Variants in ICAM1 observed in about 807,000 individuals in gnomAD.
ICAM1 encodes the protein ICAM-1.
A neutral mutation model predicts 42.3 loss-of-function variants in ICAM1; 28 were observed. The ratio of observed to expected loss-of-function variants is 0.66; its 90% confidence interval spans 0.49 to 0.91. The LOEUF (loss-of-function observed/expected upper bound fraction) is 0.91, where lower values mean the gene tolerates loss of function less well. Ranked by LOEUF, ICAM1 falls within the 40% of genes least tolerant of loss-of-function variation. ICAM1 has a pLI of 0.00. For synonymous variants in ICAM1, 304 were observed against 305.9 expected, an observed-to-expected ratio of 0.99 and a Z score of 0.07; for missense variants, 637 against 688.6, an observed-to-expected ratio of 0.93 and a Z score of 0.84.
At chr19:10,277,926 C>T (rs1012360283) in intron 2 of ICAM1, among the ~76,000 whole-genome samples, 5 of 152,194 alleles carry the variant, frequency 3.3e-5, no homozygotes, top group African/African-American at 1.2e-4. Flanking sequence ...AGGCTAGGCA[C>T]GTGGCTCATG....
chr19:10,272,154 G>A (rs1270345852), intron 1 of ICAM1, among the ~76,000 whole-genome samples: 1 of 152,142 alleles, frequency 6.6e-6, no homozygotes, highest in Non-Finnish European at 1.5e-5. Context: ...GCATGGTGGT[G>A]GGCGCCTGTG....
At chr19:10,272,744 G>A (rs1350697464) in intron 1 of ICAM1, among the ~76,000 whole-genome samples, 1 of 151,428 alleles carries the variant, frequency 6.6e-6, no homozygotes, top group Non-Finnish European at 1.5e-5. Flanking sequence ...CACTGTGTTA[G>A]CCAGGATGGT....
At chr19:10,278,022 G>A (rs1228801682) in intron 2 of ICAM1, among the ~76,000 whole-genome samples, 1 of 152,060 alleles carries the variant, frequency 6.6e-6, no homozygotes, top group Non-Finnish European at 1.5e-5. Flanking sequence ...AACATAGCAA[G>A]ACCCCATATC....
intron 2 of ICAM1, among the ~76,000 whole-genome samples, chr19:10,280,767 C>T (rs932554684): frequency 1.3e-5 from 2 of 151,832 alleles, no homozygotes; most frequent in South Asian, 2.1e-4. Flanking sequence ...CAGGGTTTCT[C>T]CATGTTGGTC....
At chr19:10,276,076 C>T (rs1370370468) in intron 2 of ICAM1, among the ~76,000 whole-genome samples, 1 of 151,722 alleles carries the variant, frequency 6.6e-6, no homozygotes, top group Non-Finnish European at 1.5e-5. Context: ...CACCTGTAAT[C>T]CCAGCTGCTC....
intron 6 of ICAM1, 26 bp downstream of exon 6, chr19:10,285,054 G>A: frequency 6.2e-7 from 1 of 1,613,262 alleles, no homozygotes; most frequent in Non-Finnish European, 8.5e-7. Flanking sequence ...GGCAGAGCTG[G>A]GTGGGGGCAG....
intron 2 of ICAM1, among the ~76,000 whole-genome samples, chr19:10,279,966 G>T (rs1056396893): frequency 6.6e-6 from 1 of 152,152 alleles, no homozygotes; most frequent in African/African-American, 2.4e-5. Context: ...GGGTGATAGG[G>T]AGTCATGGAG....
At chr19:10,283,958 G>C (rs911830477) in intron 3 of ICAM1, 75 bp from the exon 4 acceptor site, 33 of 1,522,288 alleles carry the variant, frequency 2.2e-5, no homozygotes, top group Admixed American at 1.8e-4. Context: ...TCTCGCAGGA[G>C]GGGGAATGAA....
rs922956880 is a variant in ICAM1 at position 10,283,370 on chromosome 19, G to A, written c.332-111G>A. The A allele has an allele frequency of 3.3e-5, 34 of 1,024,994 alleles. No individual in the cohort carries two copies. In the East Asian group the frequency reaches 4.8e-4, roughly 15 times the overall value. 63.5% of individuals were successfully genotyped at this position (1,024,994 alleles called of 1,614,324 possible). ...TTCCTATCTGCTTAGGTGTCTGGGC[G>A]TGTTTGGGGGAGATACTGAAGAGGT... On this transcript the variant is annotated intron_variant, in intron 2 of 6. Coordinates refer to ENST00000264832, the MANE Select transcript of ICAM1 (RefSeq NM_000201.3).
At chr19:10,282,997 A>G (rs2040072524) in intron 2 of ICAM1, 1 of 151,804 alleles carries the variant, frequency 6.6e-6, no homozygotes, top group Non-Finnish European at 1.5e-5. Flanking sequence ...TGGGCGACAG[A>G]AGGAGACTCA....
At chr19:10,274,524 A>T (rs2040003187) in intron 1 of ICAM1, among the ~76,000 whole-genome samples, 2 of 152,126 alleles carry the variant, frequency 1.3e-5, no homozygotes, top group African/African-American at 4.8e-5. Context: ...CATGTTGGCC[A>T]GGCTGATCTC....
intron 2 of ICAM1, among the ~76,000 whole-genome samples, chr19:10,277,190 CT>C (rs1481635801): frequency 6.6e-6 from 1 of 151,610 alleles, no homozygotes; most frequent in Non-Finnish European, 1.5e-5. Flanking sequence ...TTGTTTTTTC[CT>C]TTTTTTGAGA....
At chr19:10,274,621 T>A (rs1259281718) in intron 1 of ICAM1, 144 bp from the exon 2 acceptor site, 6 of 944,482 alleles carry the variant, frequency 6.4e-6, no homozygotes, top group Non-Finnish European at 9.2e-6. Flanking sequence ...GGCCTGCTCA[T>A]GAATTTTCTC....
At chr19:10,278,730 C>G (rs878910986) in intron 2 of ICAM1, among the ~76,000 whole-genome samples, 1 of 151,512 alleles carries the variant, frequency 6.6e-6, no homozygotes, top group African/African-American at 2.4e-5. Flanking sequence ...TTAGTAGAGA[C>G]AGGGTTTCGC....
At chr19:10,273,590 A>T (rs2039996638) in intron 1 of ICAM1, among the ~76,000 whole-genome samples, 1 of 152,086 alleles carries the variant, frequency 6.6e-6, no homozygotes, top group Non-Finnish European at 1.5e-5. Flanking sequence ...ACTTGAGCCC[A>T]GGAGTTCAAG....
In ICAM1 at chr19:10,284,118, G is replaced by A; in HGVS notation, c.723G>A (p.Gly241=). ...TQGTVVCSLD[G]LFPVSEAQVH... The stretch of plus-strand genomic sequence containing the variant: ...GGACCGTGGTCTGTTCCCTGGACGG[G>A]CTGTTCCCAGTCTCGGAGGCCCAGG... Residue 241 remains glycine (G), a synonymous_variant, in exon 4 of 7, where the codon GGG becomes GGA. Transcript: ENST00000264832. This position sits in a 1 kb window ranked among gnomAD's most constrained non-coding sequence, Gnocchi z 5.4. 4 of 1,614,076 alleles carry A rather than the reference G, an allele frequency of 2.5e-6. No homozygotes were observed. Among genetic ancestry groups the A allele is most frequent in the Non-Finnish European group, 3.4e-6 (4 of 1,180,018 alleles).
rs141326678 is a variant in ICAM1 at position 10,284,499 on chromosome 19, C to T, written c.1022C>T (p.Thr341Met). 5.9e-5 allele frequency: 95 copies of T among 1,614,076 alleles called. 1 individual carries two copies. The highest frequency in any genetic ancestry group is 3.3e-4 in the Middle Eastern group (2 of 6,062). ...GAGGCCCACCCTAGAGCCAAGGTGA[C>T]GCTGAATGGGGTTCCAGCCCAGCCA... ...KCEAHPRAKV[T>M]LNGVPAQPLG... Residue 341 changes from threonine (T) to methionine (M), a missense_variant, in exon 5 of 7, where the codon ACG (threonine) becomes ATG (methionine). Thr to Met is a moderately conservative substitution (Grantham distance 81). Transcript: ENST00000264832. This position sits in a 1 kb window ranked among gnomAD's most constrained non-coding sequence, Gnocchi z 5.4.
Position 10,283,334 on chromosome 19 carries a change from A to T in ICAM1, c.332-147A>T, listed in dbSNP as rs1229082784. 4.2e-6 allele frequency: 3 copies of T among 711,910 alleles called. No individual in the cohort carries two copies. In the East Asian group the frequency reaches 7.8e-5, roughly 19 times the overall value. 44.1% of individuals were successfully genotyped at this position (711,910 alleles called of 1,614,324 possible). A position where few individuals can be genotyped will look rare whatever the true frequency, so the allele number is the denominator to read the frequency against. On this transcript the variant is annotated intron_variant, in intron 2 of 6. Coordinates refer to ENST00000264832, the MANE Select transcript of ICAM1 (RefSeq NM_000201.3). ...GGGCCCTCTTACCAGTTTTCACTGA[A>T]GATCTTGACATTCCTATCTGCTTAG...
Position 10,284,027 on chromosome 19 carries a change from C to G in ICAM1, c.638-6C>G. ...CTGTCTGCTCACACCTTTCTTCTCT[C>G]CCTAGTCCTGCCAGCGACTCCCCCA... On this transcript the variant is annotated splice_region_variant and splice_polypyrimidine_tract_variant and intron_variant, in intron 3 of 6. Coordinates refer to ENST00000264832, the MANE Select transcript of ICAM1 (RefSeq NM_000201.3). The surrounding 1 kb of genome is among the most constrained non-coding windows in gnomAD (Gnocchi z 5.4). 6.2e-7 allele frequency: 1 copy of G among 1,612,036 alleles called. No homozygotes were observed. Among genetic ancestry groups the G allele is most frequent in the South Asian group, 1.1e-5 (1 of 90,956 alleles).
Sources: allele counts gnomAD v4.1 joint callset (sites outside exome capture counted in the v4.1 genomes callset), GRCh38; gene constraint gnomAD v4.1.1; non-coding constraint Gnocchi (gnomAD v3.1); transcripts MANE v1.5; gene names NCBI Gene and HGNC (gene_info 2026-07-23, HGNC 2026-07-21).